TRAK1: variants seen among roughly 807,000 people sequenced by gnomAD.
TRAK1 encodes the protein trafficking kinesin protein 1.
In TRAK1, 33 loss-of-function variants were observed where a neutral mutation model predicts 92.1. That is an observed-to-expected ratio of 0.36 (90% CI 0.27 to 0.48). The LOEUF is 0.48. Ranked by LOEUF, TRAK1 falls within the 20% of genes least tolerant of loss-of-function variation. The probability of loss-of-function intolerance (pLI) is 0.99; values close to 1 mark genes in which losing one functional copy is unlikely to be tolerated. For missense variants in TRAK1, 1,123 were observed against 1,257.9 expected, an observed-to-expected ratio of 0.89 and a Z score of 1.62; for synonymous variants, 521 against 517.3, an observed-to-expected ratio of 1.01 and a Z score of -0.10.
intron 1 of TRAK1, among the ~76,000 whole-genome samples, chr3:42,098,468 G>C (rs1035570100): frequency 6.6e-6 from 1 of 152,140 alleles, no homozygotes; most frequent in African/African-American, 2.4e-5. Context: ...TTATTAGCTG[G>C]AGTTAAATGG....
intron 1 of TRAK1, among the ~76,000 whole-genome samples, chr3:42,080,551 T>C (rs142576837): frequency 6.6e-6 from 1 of 152,352 alleles, no homozygotes; most frequent in African/African-American, 2.4e-5. Context: ...GTTTGTTTCC[T>C]CTGCCTGAAA....
At chr3:42,016,930 T>C (rs1488081515) in intron 1 of TRAK1, among the ~76,000 whole-genome samples, 2 of 152,190 alleles carry the variant, frequency 1.3e-5, no homozygotes, top group African/African-American at 4.8e-5. Context: ...GACCAGCCTC[T>C]TCACATATAT....
intron 2 of TRAK1, among the ~76,000 whole-genome samples, chr3:42,137,449 C>T (rs547679047): frequency 6.6e-6 from 1 of 152,268 alleles, no homozygotes; most frequent in East Asian, 1.9e-4. Context: ...TTAGTTTGTG[C>T]AGGTTGTTAT....
intron 13 of TRAK1, among the ~76,000 whole-genome samples, chr3:42,207,769 A>C (rs376541635): frequency 1.3e-5 from 2 of 152,200 alleles, no homozygotes; most frequent in African/African-American, 4.8e-5. Flanking sequence ...TGTTGCTAGC[A>C]TGCACACTTC....
At chr3:42,153,068 G>A (rs1700123038) in intron 2 of TRAK1, among the ~76,000 whole-genome samples, 1 of 152,128 alleles carries the variant, frequency 6.6e-6, no homozygotes, top group Non-Finnish European at 1.5e-5. Context: ...CTCAGAAATA[G>A]TACTAGTTAT....
chr3:42,182,404 T>G (rs2149385540), intron 3 of TRAK1, among the ~76,000 whole-genome samples: 1 of 152,130 alleles, frequency 6.6e-6, no homozygotes. Flanking sequence ...GTGATTCTCC[T>G]GCCTCAGCCT....
chr3:42,025,082 A>G (rs1389219636), intron 1 of TRAK1, among the ~76,000 whole-genome samples: 3 of 152,204 alleles, frequency 2.0e-5, no homozygotes, highest in Non-Finnish European at 4.4e-5. Context: ...GTTTCAAAAG[A>G]TTATACCAGA....
intron 1 of TRAK1, among the ~76,000 whole-genome samples, chr3:42,022,978 G>A (rs765387171): frequency 1.3e-5 from 2 of 151,726 alleles, no homozygotes; most frequent in African/African-American, 4.8e-5. Context: ...CTAACACGGT[G>A]AAACCCTGTC....
At chr3:42,176,770 G>A in intron 2 of TRAK1, 44 bp from the exon 3 acceptor site, 3 of 1,568,700 alleles carry the variant, frequency 1.9e-6, no homozygotes, top group African/African-American at 1.4e-5. Context: ...TGTTTGGCAG[G>A]TTTGTGACAT....
chr3:42,077,762 C>T (rs774733796), intron 1 of TRAK1, among the ~76,000 whole-genome samples: 5 of 152,064 alleles, frequency 3.3e-5, no homozygotes, highest in East Asian at 3.9e-4. Flanking sequence ...ACATTATTGG[C>T]GTATAGAAAT....
intron 1 of TRAK1, among the ~76,000 whole-genome samples, chr3:42,094,418 C>T (rs1705590333): frequency 6.6e-6 from 1 of 152,226 alleles, no homozygotes; most frequent in Non-Finnish European, 1.5e-5. Flanking sequence ...GTCACATAGG[C>T]TGGAGTGCAG....
At chr3:42,186,027 G>A (rs948784966) in intron 4 of TRAK1, among the ~76,000 whole-genome samples, 14 of 130,218 alleles carry the variant, frequency 1.1e-4, no homozygotes, top group Non-Finnish European at 7.7e-5. Flanking sequence ...CTGTCACTCA[G>A]GCTAGAGTGC....
At chr3:42,063,267 C>A (rs758996749) in intron 1 of TRAK1, among the ~76,000 whole-genome samples, 13 of 152,374 alleles carry the variant, frequency 8.5e-5, no homozygotes, top group Admixed American at 6.5e-4. Context: ...TTCCGCTTCG[C>A]GGGAAAAGTT....
At chr3:42,108,835 T>C (rs1207276938) in intron 1 of TRAK1, among the ~76,000 whole-genome samples, 2 of 152,052 alleles carry the variant, frequency 1.3e-5, no homozygotes, top group Non-Finnish European at 1.5e-5. Context: ...ATAATGCTCC[T>C]GTTTGAAGGC....
chr3:42,179,859 G>C (rs1471340458), intron 3 of TRAK1, among the ~76,000 whole-genome samples: 1 of 152,006 alleles, frequency 6.6e-6, no homozygotes, highest in Non-Finnish European at 1.5e-5. Flanking sequence ...TCTCATTGTA[G>C]TTTAATCCAG....
At chr3:42,210,211 T>C in intron 14 of TRAK1, 1 of 1,547,414 alleles carries the variant, frequency 6.5e-7, no homozygotes, top group South Asian at 1.3e-5. Context: ...CCAGGCACCA[T>C]CCGTAGTGGT....
At chr3:42,181,497 T>C (rs1703996810) in intron 3 of TRAK1, among the ~76,000 whole-genome samples, 1 of 152,172 alleles carries the variant, frequency 6.6e-6, no homozygotes, top group African/African-American at 2.4e-5. Flanking sequence ...TGAGCTGAGA[T>C]CATGCCACTG....
chr3:42,123,094 G>A (rs1710101216), intron 1 of TRAK1, among the ~76,000 whole-genome samples: 1 of 152,122 alleles, frequency 6.6e-6, no homozygotes, highest in Non-Finnish European at 1.5e-5. Context: ...AGTTAGTACG[G>A]AATGGTAGGA....
Position 42,121,505 on chromosome 3 carries a change from C to T in TRAK1, c.92-3915C>T, listed in dbSNP as rs553697456. Reference sequence around the variant, plus strand: ...CGATCTCCTGACCTCGTGATCCGCCCGCCTTGGCCTCCCAAAGTGCTGGGA... The same window carrying T: ...CGATCTCCTGACCTCGTGATCCGCCTGCCTTGGCCTCCCAAAGTGCTGGGA... On this transcript the variant is annotated intron_variant, in intron 1 of 15. Transcript: ENST00000327628. Among the ~76,000 whole-genome samples, 17 of 152,042 alleles carry T rather than the reference C, an allele frequency of 1.1e-4. No individual in the cohort carries two copies. In the South Asian group the frequency reaches 1.2e-3, roughly 11 times the overall value.
Sources: gnomAD v4.1 joint callset for allele counts (sites outside exome capture counted in the v4.1 genomes callset) on GRCh38, gnomAD v4.1.1 for gene constraint, MANE v1.5 for transcripts, NCBI Gene and HGNC (gene_info 2026-07-23, HGNC 2026-07-21) for gene names.